The following ZNF646 variants were observed in gnomAD, a reference collection of about 807,000 sequenced individuals.
The protein encoded by ZNF646 is zinc finger protein 646.
ZNF646 carries 49 observed loss-of-function variants against 115.4 expected under a neutral mutation model. The observed-to-expected ratio is 0.42, with a 90% CI of 0.34 to 0.54. The LOEUF (loss-of-function observed/expected upper bound fraction) is 0.54, where lower values mean the gene tolerates loss of function less well. ZNF646 is among the 20% of genes least tolerant of loss of function. The probability of loss-of-function intolerance (pLI) is 0.04; values close to 1 mark genes in which losing one functional copy is unlikely to be tolerated. For missense variants in ZNF646, 2,269 were observed against 2,457.9 expected (o/e 0.92, Z 1.62); for synonymous variants, 933 against 939.0 (o/e 0.99, Z 0.12).
At position 31,078,020 on chromosome 16, in the gene ZNF646, A is replaced by G. The variant is rs35041466; in HGVS notation, c.1696A>G (p.Thr566Ala). ...ACATGAAGAAGAGGCCACGGACATC[A>G]CCCCAGCAGCAGACAAGACAGCAGC... ...CKHEEEATDI[T>A]PAADKTAAHI... Residue 566 changes from threonine to alanine, a missense_variant, in exon 2 of 3, where the codon ACC (threonine) becomes GCC (alanine). Coordinates refer to ENST00000300850, the MANE Select transcript of ZNF646 (RefSeq NM_014699.4). The G allele has an allele frequency of 0.019, 30,129 of 1,614,056 alleles. 453 individuals are homozygous for G. The highest frequency in any genetic ancestry group is 0.054 in the South Asian group (4,939 of 91,084).
chr16:31,079,916 A>G lies in ZNF646; in HGVS notation c.3592A>G (p.Ser1198Gly). The G allele has an allele frequency of 6.2e-7, 1 of 1,612,080 alleles. No individual in the cohort carries two copies. Among genetic ancestry groups the G allele is most frequent in the Non-Finnish European group, 8.5e-7 (1 of 1,178,702 alleles). Residue 1198 changes from serine (S) to glycine (G), a missense_variant, in exon 2 of 3, where the codon AGC becomes GGC. This residue lies in a region of ZNF646 where 1,062 missense variants were observed against 1,172.8 expected (regional missense o/e 0.91). Coordinates refer to ENST00000300850, the MANE Select transcript of ZNF646 (RefSeq NM_014699.4). This position sits in a 1 kb window ranked among gnomAD's most constrained non-coding sequence, Gnocchi z 5.5. ...CGAGAAGGGCTGCCAGACTGAAGCC[A>G]GCTCTGAGCGGCCCTTCAGCTGCGA... ...TAEKGCQTEA[S>G]SERPFSCEVC...
In ZNF646 at chr16:31,083,859, T is replaced by TGCCACCCACCCAC; in HGVS notation, c.*767_*768insGCCACCCACCCAC. 3 of 1,590,024 alleles carry TGCCACCCACCCAC rather than the reference T, an allele frequency of 1.9e-6. No individual in the cohort carries two copies. Among genetic ancestry groups the TGCCACCCACCCAC allele is most frequent in the Non-Finnish European group, 2.6e-6 (3 of 1,161,308 alleles). On this transcript the variant is annotated 3_prime_UTR_variant, in exon 3 of 3. Coordinates refer to ENST00000300850, the MANE Select transcript of ZNF646 (RefSeq NM_014699.4). ...GTTGTCCTCATCCTCACGGCTTTGG[T>TGCCACCCACCCAC]CCCTCCCTCCCTCCCCATTCCTCGA...
At position 31,076,878 on chromosome 16, in the gene ZNF646, A is replaced by G; in HGVS notation, c.554A>G (p.Asp185Gly). Reference sequence around the variant, plus strand: ...CACCCAGGTCCTGAGGATGGTGCAGACGGCTGGGGACCCTCCACTAACTCT... The same window carrying G: ...CACCCAGGTCCTGAGGATGGTGCAGGCGGCTGGGGACCCTCCACTAACTCT... ...ASHPGPEDGA[D>G]GWGPSTNSAR... Residue 185 changes from aspartate to glycine, a missense_variant, in exon 2 of 3, where the codon GAC (aspartate) becomes GGC (glycine). Transcript: ENST00000300850. The G allele has an allele frequency of 6.2e-7, 1 of 1,613,970 alleles. No individual in the cohort carries two copies. The highest frequency in any genetic ancestry group is 8.5e-7 in the Non-Finnish European group (1 of 1,179,988).
chr16:31,081,006 T>C lies in ZNF646; in HGVS notation c.4682T>C (p.Leu1561Pro), dbSNP rs771882127. Reference sequence around the variant, plus strand: ...AAGACAGACCGACACTATTGCCTGCTCTGCTCCAAGGAGTTCTTAAATCCT... The same window carrying C: ...AAGACAGACCGACACTATTGCCTGCCCTGCTCCAAGGAGTTCTTAAATCCT... ...TNKTDRHYCLLCSKEFLNPVA... is the reference protein window; with the variant it reads ...TNKTDRHYCLPCSKEFLNPVA... The change falls in exon 2 of 3, where the codon CTC becomes CCC. Residue 1561 changes from leucine to proline, a missense_variant. Physicochemically the swap from Leu to Pro is moderately conservative, Grantham distance 98. Transcript: ENST00000300850. The C allele has an allele frequency of 3.7e-6, 6 of 1,614,056 alleles. No individual in the cohort carries two copies. Among genetic ancestry groups the C allele is most frequent in the Non-Finnish European group, 5.1e-6 (6 of 1,180,032 alleles).
At position 31,084,048 on chromosome 16, in the gene ZNF646, G is replaced by T; in HGVS notation, c.*956G>T. On this transcript the variant is annotated 3_prime_UTR_variant, in exon 3 of 3. Coordinates refer to ENST00000300850, the MANE Select transcript of ZNF646 (RefSeq NM_014699.4). ...CAAGGCAGCTGGAGTGGGTTAGAAC[G>T]GCACGTTCTCACTGGAGAGAGAAGG... The T allele has an allele frequency of 1.3e-6, 2 of 1,523,824 alleles. No homozygotes were observed. Among genetic ancestry groups the T allele is most frequent in the South Asian group, 2.5e-5 (2 of 78,926 alleles). 94.4% of individuals were successfully genotyped at this position (1,523,824 alleles called of 1,614,324 possible).
At position 31,078,715 on chromosome 16, in the gene ZNF646, A is replaced by T. The variant is rs765996001; in HGVS notation, c.2391A>T (p.Pro797=). The T allele has an allele frequency of 1.9e-6, 3 of 1,614,048 alleles. No individual in the cohort carries two copies. Among genetic ancestry groups the T allele is most frequent in the Non-Finnish European group, 2.5e-6 (3 of 1,180,022 alleles). ...CTGGGGTGGATGAAGACCAGAAGCC[A>T]GCCACTGGCCAACCCAACTCCTCTT... ...SLTGVDEDQK[P]ATGQPNSSSH... is the part of the protein sequence containing the mutation. Residue 797 remains proline, a synonymous_variant, in exon 2 of 3, where the codon CCA becomes CCT. Transcript: ENST00000300850.
Position 31,083,875 on chromosome 16 carries a change from CAT to C in ZNF646, c.*784_*785del. 6.2e-7 allele frequency: 1 copy of C among 1,610,714 alleles called. No homozygotes were observed. Among genetic ancestry groups the C allele is most frequent in the African/African-American group, 1.3e-5 (1 of 74,976 alleles). ...CGGCTTTGGTCCCTCCCTCCCTCCC[CAT>C]TCCTCGAAGGAACAGGGTCTGTCTT... is the stretch of plus-strand genomic sequence containing the variant. On this transcript the variant is annotated 3_prime_UTR_variant, in exon 3 of 3. Coordinates refer to ENST00000300850, the MANE Select transcript of ZNF646 (RefSeq NM_014699.4).
At position 31,078,052 on chromosome 16, in the gene ZNF646, C is replaced by G; in HGVS notation, c.1728C>G (p.Ile576Met). ...TPAADKTAAH[I>M]CSICGLLFED... Reference sequence around the variant, plus strand: ...CAGCAGACAAGACAGCAGCACATATCTGTAGCATCTGTGGGCTGCTCTTTG... The same window carrying G: ...CAGCAGACAAGACAGCAGCACATATGTGTAGCATCTGTGGGCTGCTCTTTG... Residue 576 changes from isoleucine (I) to methionine (M), a missense_variant, in exon 2 of 3, where the codon ATC (isoleucine) becomes ATG (methionine). By Grantham distance (10) the Ile-to-Met change is conservative. Around this residue, in one of 5 missense-constraint regions of ZNF646, gnomAD observed 852 missense variants for 900.2 expected, o/e 0.95. Coordinates refer to ENST00000300850, the MANE Select transcript of ZNF646 (RefSeq NM_014699.4). 1.2e-6 allele frequency: 2 copies of G among 1,614,222 alleles called. No homozygotes were observed. The highest frequency in any genetic ancestry group is 8.5e-7 in the Non-Finnish European group (1 of 1,180,054).
chr16:31,080,079 A>C lies in ZNF646; in HGVS notation c.3755A>C (p.His1252Pro). Residue 1252 changes from histidine to proline, a missense_variant, in exon 2 of 3, where the codon CAT becomes CCT. Physicochemically the swap from His to Pro is moderately conservative, Grantham distance 77 (BLOSUM62 -2). This residue lies in a region of ZNF646 where 1,062 missense variants were observed against 1,172.8 expected (regional missense o/e 0.91). Transcript: ENST00000300850. ...TCCCTCAAGAACCACCGGCGCATCC[A>C]TGCAGATCCCCGACGTTTCCGCTGC... ...LMSLKNHRRI[H>P]ADPRRFRCSE... The C allele has an allele frequency of 6.2e-7, 1 of 1,613,276 alleles. No homozygotes were observed. Among genetic ancestry groups the C allele is most frequent in the Non-Finnish European group, 8.5e-7 (1 of 1,179,860 alleles).
rs1275446268 is a variant in ZNF646, at chr16:31,076,911, C to G, written c.587C>G (p.Ala196Gly). Residue 196 changes from alanine to glycine, a missense_variant, in exon 2 of 3, where the codon GCC becomes GGC. Transcript: ENST00000300850. ...GGACCCTCCACTAACTCTGCCAGAG[C>G]CCCTCCTCTCCCCATCCCAGCCAGC... The part of the protein sequence containing the change: ...GWGPSTNSAR[A>G]PPLPIPASSL... 1.2e-6 allele frequency: 2 copies of G among 1,613,980 alleles called. No individual in the cohort carries two copies. The highest frequency in any genetic ancestry group is 1.7e-6 in the Non-Finnish European group (2 of 1,180,004).
intron 2 of ZNF646, 119 bp from the exon 3 acceptor site, chr16:31,082,852 C>T: frequency 1.5e-6 from 2 of 1,350,598 alleles, no homozygotes; most frequent in Non-Finnish European, 2.0e-6. Context: ...CCTAGAATCC[C>T]TGTTCTCATC....
In ZNF646 at chr16:31,083,299, C is replaced by T. The variant is rs2057189866; in HGVS notation, c.*207C>T. ...TTGAAGGACCTCCTTCCCCCAGCCT[C>T]ATCACCGTGCTCTTCTCAGCGCCAC... On this transcript the variant is annotated 3_prime_UTR_variant, in exon 3 of 3. Coordinates refer to ENST00000300850, the MANE Select transcript of ZNF646 (RefSeq NM_014699.4). The T allele has an allele frequency of 1.0e-6, 1 of 959,936 alleles. No homozygotes were observed. Among genetic ancestry groups the T allele is most frequent in the South Asian group, 2.0e-5 (1 of 51,014 alleles). The allele number at this position is 959,936 out of a possible 1,614,324, so 59.5% of individuals were successfully genotyped here.
chr16:31,080,090 C>T lies in ZNF646; in HGVS notation c.3766C>T (p.Arg1256Ter), dbSNP rs1261903771. The change falls in exon 2 of 3, where the codon CGA becomes TGA. Residue 1256 changes from arginine to a stop codon, truncating the protein, a stop_gained. Coordinates refer to ENST00000300850, the MANE Select transcript of ZNF646 (RefSeq NM_014699.4). LOFTEE classifies it high-confidence loss of function. Reference protein sequence around the residue: ...KNHRRIHADPRRFRCSECGKA... With the variant: ...KNHRRIHADP ...CCACCGGCGCATCCATGCAGATCCC[C>T]GACGTTTCCGCTGCAGCGAGTGTGG... 5 of 1,613,312 alleles carry T rather than the reference C, an allele frequency of 3.1e-6. No individual in the cohort carries two copies. Among genetic ancestry groups the T allele is most frequent in the East Asian group, 2.2e-5 (1 of 44,864 alleles).
rs528532356 is a variant in ZNF646 at position 31,081,647 on chromosome 16, A to G, written c.5323A>G (p.Ser1775Gly). Residue 1775 changes from serine (S) to glycine (G), a missense_variant, in exon 2 of 3, where the codon AGC (serine) becomes GGC (glycine). Coordinates refer to ENST00000300850, the MANE Select transcript of ZNF646 (RefSeq NM_014699.4). The part of the protein sequence containing the change: ...HCPRHFRRRI[S>G]FVQHQQQHQE... ...TCCCCGCCACTTCCGCCGCCGAATCAGCTTCGTGCAGCACCAGCAGCAGCA... is the reference window on the plus strand; with the variant it reads ...TCCCCGCCACTTCCGCCGCCGAATCGGCTTCGTGCAGCACCAGCAGCAGCA... 6.2e-6 allele frequency: 10 copies of G among 1,606,962 alleles called. No homozygotes were observed. The East Asian group carries it at 1.3e-4, about 22-fold the overall frequency.
rs2057052969 is a variant in ZNF646 at position 31,074,603 on chromosome 16, A to G, written c.-108A>G. ...GGAGCGCGAGAGCCCCCCGACAGCC[A>G]CCCCTTGGGGCGCGCGGCTGCAGTT... On this transcript the variant is annotated 5_prime_UTR_variant, in exon 1 of 3. Coordinates refer to ENST00000300850, the MANE Select transcript of ZNF646 (RefSeq NM_014699.4). The G allele has an allele frequency of 6.6e-6, 1 of 151,906 alleles. No homozygotes were observed. The highest frequency in any genetic ancestry group is 1.5e-5 in the Non-Finnish European group (1 of 68,042). The allele number at this position is 151,906 out of a possible 1,614,324, so 9.4% of individuals were successfully genotyped here. A position where few individuals can be genotyped will look rare whatever the true frequency, so the allele number is the denominator to read the frequency against.
chr16:31,081,180 A>T lies in ZNF646; in HGVS notation c.4856A>T (p.Glu1619Val). The T allele has an allele frequency of 6.3e-7, 1 of 1,592,840 alleles. No homozygotes were observed. The highest frequency in any genetic ancestry group is 8.6e-7 in the Non-Finnish European group (1 of 1,167,932). ...CACAGCCAGGTGCCAGCCCAGATGGAGGAGGCCAGAGATCCCAAAGCCGGG... is the reference window on the plus strand; with the variant it reads ...CACAGCCAGGTGCCAGCCCAGATGGTGGAGGCCAGAGATCCCAAAGCCGGG... ...RGHSQVPAQM[E>V]EARDPKAGTG... Residue 1619 changes from glutamate (E) to valine (V), a missense_variant, in exon 2 of 3, where the codon GAG becomes GTG. Around this residue, in one of 5 missense-constraint regions of ZNF646, gnomAD observed 1,062 missense variants for 1,172.8 expected, o/e 0.91. Transcript: ENST00000300850.
Position 31,080,354 on chromosome 16 carries a change from C to T in ZNF646, c.4030C>T (p.His1344Tyr). 2.5e-6 allele frequency: 4 copies of T among 1,613,574 alleles called. No individual in the cohort carries two copies. Among genetic ancestry groups the T allele is most frequent in the Non-Finnish European group, 3.4e-6 (4 of 1,179,914 alleles). Reference protein sequence around the residue: ...TYSNRMALKDHQRLHSENRRR... With the variant: ...TYSNRMALKDYQRLHSENRRR... ...CTCCAACCGCATGGCCCTGAAGGAC[C>T]ACCAGAGGCTGCACTCAGAGAATCG... Residue 1344 changes from histidine (H) to tyrosine (Y), a missense_variant, in exon 2 of 3, where the codon CAC (histidine) becomes TAC (tyrosine). Physicochemically the swap from His to Tyr is moderately conservative, Grantham distance 83. Coordinates refer to ENST00000300850, the MANE Select transcript of ZNF646 (RefSeq NM_014699.4).
rs2057124630 is a variant in ZNF646, at chr16:31,079,416, C to T, written c.3092C>T (p.Pro1031Leu). ...AAGTCTCAAGAGGGAGCAGGCACCC[C>T]CTTGGGAGACAGCCTCTGCATCCAG... ...DAKSQEGAGT[P>L]LGDSLCIQGG... Residue 1031 changes from proline to leucine, a missense_variant, in exon 2 of 3, where the codon CCC (proline) becomes CTC (leucine). Around this residue, in one of 5 missense-constraint regions of ZNF646, gnomAD observed 1,062 missense variants for 1,172.8 expected, o/e 0.91. Coordinates refer to ENST00000300850, the MANE Select transcript of ZNF646 (RefSeq NM_014699.4). The surrounding 1 kb of genome is among the most constrained non-coding windows in gnomAD (Gnocchi z 5.5). The T allele has an allele frequency of 6.2e-7, 1 of 1,614,018 alleles. No homozygotes were observed. The highest frequency in any genetic ancestry group is 1.1e-5 in the South Asian group (1 of 91,074).
upstream of ZNF646, chr16:31,073,056 G>C (rs963139234): frequency 4.7e-5 from 7 of 147,954 alleles, no homozygotes; most frequent in African/African-American, 7.4e-5. Context: ...GAGGAGCCGA[G>C]AGTTGCAGAA....
Sources: gnomAD v4.1 joint callset for allele counts on GRCh38, gnomAD v4.1.1 for gene constraint, gnomAD v4.1.1 regional missense constraint, Gnocchi (gnomAD v3.1) non-coding constraint, MANE v1.5 for transcripts, NCBI Gene and HGNC (gene_info 2026-07-23, HGNC 2026-07-21) for gene names.